RBMS3: variants seen among roughly 807,000 people sequenced by gnomAD.
RBMS3 encodes the protein RNA binding motif single stranded interacting protein 3, also known as RNA-binding motif, single-stranded-interacting protein 3.
In RBMS3, 27 loss-of-function variants were observed where a neutral mutation model predicts 66.8. That is an observed-to-expected ratio of 0.40 (90% CI 0.30 to 0.56). The LOEUF (loss-of-function observed/expected upper bound fraction) is 0.56. Among genes scored for constraint, RBMS3 ranks in the 20% least tolerant of loss-of-function variants. The pLI, the probability that RBMS3 is intolerant of heterozygous loss-of-function variation, is 0.40. For missense variants in RBMS3, 513 were observed against 549.5 expected (o/e 0.93, Z 0.66); for synonymous variants, 188 against 183.0 (o/e 1.03, Z -0.22).
At chr3:29,649,116 C>T (rs1342973210) in intron 4 of RBMS3, among the ~76,000 whole-genome samples, 1 of 152,144 alleles carries the variant, frequency 6.6e-6, no homozygotes, top group African/African-American at 2.4e-5. Context: ...CCCTTCATTC[C>T]ATTTTTATAA....
chr3:29,715,869 G>A (rs931269872), intron 4 of RBMS3, among the ~76,000 whole-genome samples: 1 of 152,082 alleles, frequency 6.6e-6, no homozygotes, highest in Non-Finnish European at 1.5e-5. Context: ...CTTCTTCCAT[G>A]TATATGCTCA....
chr3:29,625,768 T>C (rs1224074335), intron 4 of RBMS3, among the ~76,000 whole-genome samples: 1 of 151,476 alleles, frequency 6.6e-6, no homozygotes, highest in Non-Finnish European at 1.5e-5. Context: ...GAAGCTTCTT[T>C]AGAGCCACCA....
chr3:29,367,670 T>C (rs2037983160), intron 1 of RBMS3, among the ~76,000 whole-genome samples: 1 of 152,208 alleles, frequency 6.6e-6, no homozygotes, highest in Non-Finnish European at 1.5e-5. Context: ...TATTGCTGAC[T>C]TTCTGTAGTT....
chr3:29,894,573 A>T (rs2060082215), intron 8 of RBMS3, among the ~76,000 whole-genome samples: 1 of 151,528 alleles, frequency 6.6e-6, no homozygotes, highest in African/African-American at 2.4e-5. Context: ...CCCCACGCTT[A>T]TGTCCTCATT....
chr3:29,626,246 A>T (rs1246949277), intron 4 of RBMS3, among the ~76,000 whole-genome samples: 1 of 152,204 alleles, frequency 6.6e-6, no homozygotes, highest in Admixed American at 6.5e-5. Flanking sequence ...CATTAGTAAA[A>T]TGGGGAGACC....
intron 4 of RBMS3, among the ~76,000 whole-genome samples, chr3:29,701,173 A>T (rs2052554801): frequency 6.6e-6 from 1 of 152,100 alleles, no homozygotes; most frequent in Admixed American, 6.5e-5. Context: ...GCTACTTGGA[A>T]GGCTGAGGCA....
chr3:29,837,182 A>T (rs1280361105), intron 6 of RBMS3, among the ~76,000 whole-genome samples: 1 of 152,090 alleles, frequency 6.6e-6, no homozygotes, highest in Non-Finnish European at 1.5e-5. Flanking sequence ...GTTCCAACAC[A>T]GGTGATTCTC....
At chr3:29,612,118 C>T (rs970938470) in intron 4 of RBMS3, among the ~76,000 whole-genome samples, 27 of 151,796 alleles carry the variant, frequency 1.8e-4, no homozygotes, top group South Asian at 6.2e-4. Flanking sequence ...AGAAGAGCAC[C>T]GACTTTACTG....
intron 1 of RBMS3, among the ~76,000 whole-genome samples, chr3:29,376,235 A>G (rs2038456763): frequency 1.3e-5 from 2 of 152,002 alleles, no homozygotes; most frequent in Non-Finnish European, 2.9e-5. Context: ...AAGAATAGCT[A>G]ATGGATAGTG....
intron 4 of RBMS3, among the ~76,000 whole-genome samples, chr3:29,699,576 C>T (rs907822604): frequency 6.6e-6 from 1 of 152,114 alleles, no homozygotes; most frequent in African/African-American, 2.4e-5. Flanking sequence ...ACTCTAAAAG[C>T]GTAGGAAATT....
chr3:29,442,441 A>T (rs79107551), intron 2 of RBMS3, among the ~76,000 whole-genome samples: 4,662 of 152,244 alleles, frequency 0.031, 160 homozygotes, highest in Admixed American at 0.11. Flanking sequence ...ATATTTTTCC[A>T]TATCTATCTT....
At chr3:29,999,858 T>C (rs1699496952) in intron 14 of RBMS3, among the ~76,000 whole-genome samples, 1 of 151,910 alleles carries the variant, frequency 6.6e-6, no homozygotes, top group Admixed American at 6.6e-5. Flanking sequence ...TGTGTACATA[T>C]GTAACAAACC....
At chr3:29,739,529 T>C (rs895863128) in intron 4 of RBMS3, among the ~76,000 whole-genome samples, 191 bp from the exon 5 acceptor site, 1 of 152,004 alleles carries the variant, frequency 6.6e-6, no homozygotes, top group African/African-American at 2.4e-5. Flanking sequence ...TTGGCTTTCA[T>C]TGATCATTTT....
chr3:29,953,757 G>T (rs569042182), intron 12 of RBMS3, among the ~76,000 whole-genome samples: 1 of 151,918 alleles, frequency 6.6e-6, no homozygotes, highest in Admixed American at 6.6e-5. Flanking sequence ...AGCTCAGCTG[G>T]ACCCACACTC....
At chr3:29,686,776 C>T (rs1452611876) in intron 4 of RBMS3, among the ~76,000 whole-genome samples, 3 of 152,110 alleles carry the variant, frequency 2.0e-5, no homozygotes, top group African/African-American at 7.2e-5. Context: ...CCTTATTTTC[C>T]TTTATCTTGG....
intron 12 of RBMS3, among the ~76,000 whole-genome samples, chr3:29,967,833 A>T (rs896093499): frequency 1.3e-5 from 2 of 151,834 alleles, no homozygotes; most frequent in African/African-American, 4.8e-5. Context: ...TTTCTTAGTG[A>T]GGTTATTTGG....
At chr3:29,313,191 G>T (rs2034482757) in intron 1 of RBMS3, among the ~76,000 whole-genome samples, 1 of 151,650 alleles carries the variant, frequency 6.6e-6, no homozygotes, top group Admixed American at 6.6e-5. Context: ...AGTAAGGGTG[G>T]TCCCACAAAT....
At chr3:29,950,563 T>C (rs570311242) in intron 12 of RBMS3, among the ~76,000 whole-genome samples, 6 of 151,966 alleles carry the variant, frequency 3.9e-5, no homozygotes, top group African/African-American at 1.4e-4. Context: ...ATTCAGCCCT[T>C]GCCAGAGGCA....
At chr3:29,951,021 C>T (rs376822765) in intron 12 of RBMS3, among the ~76,000 whole-genome samples, 2 of 151,814 alleles carry the variant, frequency 1.3e-5, no homozygotes, top group African/African-American at 4.8e-5. Flanking sequence ...TGCAAATGTT[C>T]CTGGTAGCAT....
Sources: gnomAD v4.1 joint callset for allele counts (sites outside exome capture counted in the v4.1 genomes callset) on GRCh38, gnomAD v4.1.1 for gene constraint, MANE v1.5 for transcripts, NCBI Gene and HGNC (gene_info 2026-07-23, HGNC 2026-07-21) for gene names.